The following SLC24A2 variants were observed in gnomAD, a reference collection of about 807,000 sequenced individuals.
SLC24A2 encodes the protein solute carrier family 24 member 2, also known as sodium/potassium/calcium exchanger 2.
SLC24A2 carries 36 observed loss-of-function variants against 62.0 expected under a neutral mutation model. The observed-to-expected ratio is 0.58, with a 90% CI of 0.44 to 0.77. The LOEUF (loss-of-function observed/expected upper bound fraction) is 0.77. Ranked by LOEUF, SLC24A2 falls within the 30% of genes least tolerant of loss-of-function variation. The probability of loss-of-function intolerance (pLI) is 0.00; values close to 1 mark genes in which losing one functional copy is unlikely to be tolerated. For synonymous variants in SLC24A2, 358 were observed against 294.0 expected (o/e 1.22, Z -2.23); for missense variants, 846 against 817.9 (o/e 1.03, Z -0.42).
chr9:20,273,156 C>A, the SLC24A2 span, among the ~76,000 whole-genome samples: 3 of 152,234 alleles, frequency 2.0e-5, no homozygotes, highest in Non-Finnish European at 4.4e-5. Context: ...ACAGGACACA[C>A]TGCCCCCAAA....
intron 7 of SLC24A2, among the ~76,000 whole-genome samples, chr9:19,551,624 A>C (rs531811015): frequency 1.6e-4 from 24 of 152,176 alleles, no homozygotes; most frequent in African/African-American, 2.6e-4. Context: ...GAAAGCTCCT[A>C]CCCCTGGGGC....
the SLC24A2 span, among the ~76,000 whole-genome samples, chr9:19,922,176 T>C: frequency 6.6e-6 from 1 of 152,210 alleles, no homozygotes; most frequent in Non-Finnish European, 1.5e-5. Context: ...ATTCTGAAAG[T>C]GGAAAATTTA....
chr9:19,642,534 C>A (rs1051474216), intron 2 of SLC24A2, among the ~76,000 whole-genome samples: 2 of 152,128 alleles, frequency 1.3e-5, no homozygotes. Flanking sequence ...CTCTGAGAAC[C>A]AAGTTCACTA....
the SLC24A2 span, among the ~76,000 whole-genome samples, chr9:19,852,098 T>G: frequency 6.6e-6 from 1 of 152,258 alleles, no homozygotes; most frequent in Non-Finnish European, 1.5e-5. Flanking sequence ...TGAGCTTTTT[T>G]TCATATGTTT....
chr9:19,784,816 C>T (rs1416347171), intron 2 of SLC24A2, among the ~76,000 whole-genome samples: 3 of 152,136 alleles, frequency 2.0e-5, no homozygotes, highest in East Asian at 1.9e-4. Flanking sequence ...AGAAATATTG[C>T]TAGTGTTTTA....
intron 5 of SLC24A2, among the ~76,000 whole-genome samples, chr9:19,590,744 C>T (rs1369778114): frequency 6.6e-6 from 1 of 152,178 alleles, no homozygotes; most frequent in Non-Finnish European, 1.5e-5. Context: ...TTCACCCACT[C>T]CTGTGGTAAG....
intron 2 of SLC24A2, among the ~76,000 whole-genome samples, chr9:19,676,111 G>A (rs1819553344): frequency 6.6e-6 from 1 of 152,170 alleles, no homozygotes; most frequent in East Asian, 1.9e-4. Context: ...TCCAAGTAAG[G>A]TCAAATACTT....
At chr9:19,906,402 A>G in the SLC24A2 span, among the ~76,000 whole-genome samples, 344 of 151,676 alleles carry the variant, frequency 2.3e-3, 6 homozygotes, top group East Asian at 0.06. Context: ...ACACCCTAAC[A>G]TCACAATTAA....
At chr9:19,803,062 C>T in the SLC24A2 span, among the ~76,000 whole-genome samples, 1 of 152,178 alleles carries the variant, frequency 6.6e-6, no homozygotes, top group African/African-American at 2.4e-5. Flanking sequence ...TGATCTTGGA[C>T]TTCTCAGCCT....
At chr9:20,189,675 C>T in the SLC24A2 span, among the ~76,000 whole-genome samples, 1 of 152,178 alleles carries the variant, frequency 6.6e-6, no homozygotes, top group East Asian at 1.9e-4. Flanking sequence ...CTTTGGAGAG[C>T]TAACAATGGT....
the SLC24A2 span, among the ~76,000 whole-genome samples, chr9:20,157,796 CCT>C: frequency 6.6e-6 from 1 of 151,434 alleles, no homozygotes; most frequent in African/African-American, 2.4e-5. Flanking sequence ...TATACTCACC[CCT>C]CTCCCTGTTT....
chr9:19,519,349 T>TGTGTGTG (rs1563927309), intron 10 of SLC24A2, among the ~76,000 whole-genome samples: 2 of 147,582 alleles, frequency 1.4e-5, no homozygotes, highest in African/African-American at 5.0e-5. Flanking sequence ...TTAAACTTCC[T>TGTGTGTG]TGTGTGTGTG....
the SLC24A2 span, among the ~76,000 whole-genome samples, chr9:20,019,897 A>C: frequency 6.6e-6 from 1 of 151,986 alleles, no homozygotes; most frequent in Non-Finnish European, 1.5e-5. Flanking sequence ...AAAACCACCA[A>C]AAAGTGGGTA....
At chr9:20,009,264 G>A in the SLC24A2 span, among the ~76,000 whole-genome samples, 1 of 151,754 alleles carries the variant, frequency 6.6e-6, no homozygotes, top group African/African-American at 2.4e-5. Flanking sequence ...AAGAATGGGG[G>A]TGTTTAGCTA....
In SLC24A2 at chr9:19,550,171, G is replaced by A; in HGVS notation, c.1445C>T (p.Pro482Leu). ...TFLIVFPIVF[P>L]LWITLPDVRK... ...AACGTCAGGTAACGTAATCCAGAGAGGAAACACTATGGGGAAAACAATCAG... is the reference window on the plus strand; with the variant it reads ...AACGTCAGGTAACGTAATCCAGAGAAGAAACACTATGGGGAAAACAATCAG... The change falls in exon 8 of 11, where the codon CCT (proline) becomes CTT (leucine). Residue 482 changes from proline to leucine, a missense_variant. By Grantham distance (98) the Pro-to-Leu change is moderately conservative. Coordinates refer to ENST00000341998, the MANE Select transcript of SLC24A2 (RefSeq NM_020344.4). The A allele has an allele frequency of 1.2e-6, 2 of 1,614,116 alleles. No homozygotes were observed. The highest frequency in any genetic ancestry group is 2.2e-5 in the East Asian group (1 of 44,876).
the SLC24A2 span, among the ~76,000 whole-genome samples, chr9:20,181,716 T>C: frequency 6.6e-6 from 1 of 152,170 alleles, no homozygotes; most frequent in African/African-American, 2.4e-5. Context: ...ATTCAGGACA[T>C]AGGCATGGGC....
intron 4 of SLC24A2, among the ~76,000 whole-genome samples, chr9:19,613,113 C>T (rs1425565511): frequency 3.3e-5 from 5 of 152,152 alleles, no homozygotes; most frequent in Admixed American, 6.5e-5. Context: ...TAATGCTACA[C>T]TTTGTTCAGT....
the SLC24A2 span, among the ~76,000 whole-genome samples, chr9:20,262,452 T>C: frequency 6.6e-6 from 1 of 152,214 alleles, no homozygotes; most frequent in Non-Finnish European, 1.5e-5. Flanking sequence ...TCACAAGTAA[T>C]TTTTTCAGGA....
chr9:19,767,442 A>G (rs1391106588), intron 2 of SLC24A2, among the ~76,000 whole-genome samples: 1 of 152,204 alleles, frequency 6.6e-6, no homozygotes, highest in Non-Finnish European at 1.5e-5. Context: ...TAGGCAACTG[A>G]GGGAATCTCC....
Sources: allele counts gnomAD v4.1 joint callset (sites outside exome capture counted in the v4.1 genomes callset), GRCh38; gene constraint gnomAD v4.1.1; transcripts MANE v1.5; gene names NCBI Gene and HGNC (gene_info 2026-07-23, HGNC 2026-07-21).